The following CADM2 variants were observed in gnomAD, a reference collection of about 807,000 sequenced individuals.
CADM2 encodes the protein immunoglobulin superfamily member 4D.
Under a neutral mutation model 49.8 loss-of-function variants are expected in CADM2, and 12 were observed. The observed-to-expected ratio is 0.24, with a 90% CI of 0.15 to 0.39. CADM2 has a LOEUF of 0.39. CADM2 is among the 10% of genes least tolerant of loss of function. The probability of loss-of-function intolerance (pLI) is 1.00; values close to 1 mark genes in which losing one functional copy is unlikely to be tolerated. For synonymous variants in CADM2, 214 were observed against 175.4 expected (o/e 1.22, Z -1.74); for missense variants, 378 against 492.3 (o/e 0.77, Z 2.20).
At chr3:85,110,346 A>G (rs369070422) in intron 1 of CADM2, among the ~76,000 whole-genome samples, 2 of 151,792 alleles carry the variant, frequency 1.3e-5, no homozygotes, top group Non-Finnish European at 2.9e-5. Context: ...TCCCCACTTC[A>G]TATCTCCAGC....
chr3:85,669,184 A>C (rs1380064025), intron 1 of CADM2, among the ~76,000 whole-genome samples: 2 of 150,164 alleles, frequency 1.3e-5, no homozygotes, highest in South Asian at 4.2e-4. Context: ...TCTTTCTTCC[A>C]TAATTGGTAA....
chr3:85,465,610 AT>A (rs1318472921), intron 1 of CADM2, among the ~76,000 whole-genome samples: 1 of 152,190 alleles, frequency 6.6e-6, no homozygotes, highest in East Asian at 1.9e-4. Context: ...TAAGATGAGA[AT>A]GTTTTTGTGC....
At chr3:85,231,560 A>T (rs756653313) in intron 1 of CADM2, among the ~76,000 whole-genome samples, 10 of 152,098 alleles carry the variant, frequency 6.6e-5, no homozygotes, top group Non-Finnish European at 1.5e-4. Context: ...CACATAAAGG[A>T]CACTGAGGAA....
At chr3:85,633,888 A>C (rs1192321455) in intron 1 of CADM2, among the ~76,000 whole-genome samples, 1 of 152,126 alleles carries the variant, frequency 6.6e-6, no homozygotes, top group Non-Finnish European at 1.5e-5. Context: ...ATGACGAAGC[A>C]GTTAATAATG....
chr3:85,152,817 T>C (rs1254878921), intron 1 of CADM2, among the ~76,000 whole-genome samples: 1 of 151,830 alleles, frequency 6.6e-6, no homozygotes, highest in Non-Finnish European at 1.5e-5. Context: ...GAAAAAATAT[T>C]TGCCGGGCGT....
At chr3:85,373,195 T>C (rs1009773721) in intron 1 of CADM2, among the ~76,000 whole-genome samples, 10 of 152,184 alleles carry the variant, frequency 6.6e-5, no homozygotes, top group African/African-American at 2.4e-4. Context: ...AATTATTTTC[T>C]AGATACGATG....
intron 1 of CADM2, among the ~76,000 whole-genome samples, chr3:84,991,326 A>G (rs17022171): frequency 0.049 from 7,512 of 152,194 alleles, 221 homozygotes; most frequent in East Asian, 0.1. Context: ...CCTAGATTGC[A>G]CCATTTATAC....
At chr3:85,791,539 AG>A in intron 2 of CADM2, among the ~76,000 whole-genome samples, 1 of 145,224 alleles carries the variant, frequency 6.9e-6, no homozygotes, top group African/African-American at 2.7e-5. Flanking sequence ...AGAGAGAGAG[AG>A]AGAAAGAGAG....
intron 5 of CADM2, among the ~76,000 whole-genome samples, chr3:85,901,377 A>G (rs1206900291): frequency 6.6e-6 from 1 of 152,174 alleles, no homozygotes; most frequent in African/African-American, 2.4e-5. Context: ...ACATTATGTT[A>G]TAGTATAGAT....
chr3:85,637,132 A>G (rs1268354302), intron 1 of CADM2, among the ~76,000 whole-genome samples: 2 of 152,092 alleles, frequency 1.3e-5, no homozygotes, highest in Non-Finnish European at 2.9e-5. Flanking sequence ...TTTTTTTTAA[A>G]TTGAAACATG....
intron 3 of CADM2, among the ~76,000 whole-genome samples, chr3:85,844,119 T>C (rs921596575): frequency 2.0e-5 from 3 of 152,056 alleles, no homozygotes; most frequent in Non-Finnish European, 4.4e-5. Flanking sequence ...ATTTTAATAA[T>C]ATCTTCCTTA....
intron 3 of CADM2, among the ~76,000 whole-genome samples, chr3:85,822,570 C>T (rs947313949): frequency 6.6e-5 from 10 of 151,792 alleles, no homozygotes; most frequent in South Asian, 4.2e-4. Flanking sequence ...GGCGACAGAG[C>T]GAAACTCCAT....
At chr3:85,865,334 C>G (rs1433678197) in intron 3 of CADM2, among the ~76,000 whole-genome samples, 2 of 152,146 alleles carry the variant, frequency 1.3e-5, no homozygotes, top group Admixed American at 1.3e-4. Flanking sequence ...TTCTTCTCTG[C>G]TTACTTTATT....
intron 1 of CADM2, among the ~76,000 whole-genome samples, chr3:85,103,188 G>A (rs762790608): frequency 1.7e-4 from 26 of 152,156 alleles, no homozygotes; most frequent in Admixed American, 5.9e-4. Context: ...ATGTTTTAAC[G>A]TAGGGAGAAA....
At chr3:85,619,370 G>T (rs2063902539) in intron 1 of CADM2, among the ~76,000 whole-genome samples, 1 of 151,804 alleles carries the variant, frequency 6.6e-6, no homozygotes, top group Admixed American at 6.6e-5. Context: ...AAAAGGAAAT[G>T]GGGGGACAGA....
chr3:85,779,931 T>C (rs1217770462), intron 2 of CADM2, among the ~76,000 whole-genome samples: 1 of 152,162 alleles, frequency 6.6e-6, no homozygotes, highest in African/African-American at 2.4e-5. Flanking sequence ...AGGCTCACAA[T>C]GATTGAACTG....
At chr3:85,749,704 A>G (rs2068785363) in intron 2 of CADM2, among the ~76,000 whole-genome samples, 1 of 152,028 alleles carries the variant, frequency 6.6e-6, no homozygotes, top group South Asian at 2.1e-4. Context: ...GACAATCACT[A>G]AGCCCAGAAT....
At chr3:85,274,026 G>A (rs2043304058) in intron 1 of CADM2, among the ~76,000 whole-genome samples, 1 of 151,454 alleles carries the variant, frequency 6.6e-6, no homozygotes, top group African/African-American at 2.4e-5. Context: ...TCAAGAAGGA[G>A]TGAGAAAGGT....
chr3:85,693,059 G>A (rs2066434819), intron 1 of CADM2, among the ~76,000 whole-genome samples: 1 of 151,870 alleles, frequency 6.6e-6, no homozygotes, highest in Admixed American at 6.6e-5. Flanking sequence ...AACCATCCTA[G>A]CCAACATGGT....
Sources: gnomAD v4.1 joint callset for allele counts (sites outside exome capture counted in the v4.1 genomes callset) on GRCh38, gnomAD v4.1.1 for gene constraint, MANE v1.5 for transcripts, NCBI Gene and HGNC (gene_info 2026-07-23, HGNC 2026-07-21) for gene names.